Variants in MRPS6 observed in about 807,000 individuals in gnomAD.
MRPS6 encodes the protein mitochondrial ribosomal protein S6.
Under a neutral mutation model 13.1 loss-of-function variants are expected in MRPS6, and 6 were observed. The ratio of observed to expected loss-of-function variants is 0.46; its 90% confidence interval spans 0.25 to 0.91. MRPS6 has a LOEUF of 0.91. Among genes scored for constraint, MRPS6 ranks in the 40% least tolerant of loss-of-function variants. The pLI is 0.18. For synonymous variants in MRPS6, 61 were observed against 56.5 expected, an observed-to-expected ratio of 1.08 and a Z score of -0.36; for missense variants, 164 against 155.6, an observed-to-expected ratio of 1.05 and a Z score of -0.29.
intron 1 of MRPS6, among the ~76,000 whole-genome samples, chr21:34,087,776 A>G (rs550436041): frequency 2.0e-5 from 3 of 152,244 alleles, no homozygotes; most frequent in Admixed American, 6.5e-5. Context: ...GGGCAGAAGC[A>G]TGGAGACAAG....
At chr21:34,101,823 G>A (rs1204691620) in intron 1 of MRPS6, 1 of 998,544 alleles carries the variant, frequency 1.0e-6, no homozygotes. Context: ...ACTTTGTGTT[G>A]GCTAATAATA....
chr21:34,118,560 T>TC lies in MRPS6; in HGVS notation c.46-6781_46-6780insC, dbSNP rs745615449. ...CTCCACATTTCTTTCTTTCTTTCTT[T>TC]TTTTTTTTTTTTTTGAGACAGAGTC... On this transcript the variant is annotated intron_variant, in intron 1 of 2. Transcript: ENST00000399312. 3.0e-4 allele frequency among the ~76,000 whole-genome samples: 43 copies of TC among 145,492 alleles called. 1 individual carries two copies. Among genetic ancestry groups the TC allele is most frequent in the African/African-American group, 5.6e-4 (22 of 39,256 alleles).
intron 1 of MRPS6, chr21:34,099,891 C>A: frequency 2.8e-6 from 1 of 358,666 alleles, no homozygotes; most frequent in Non-Finnish European, 4.1e-6. Flanking sequence ...AGATAATGTG[C>A]TCGAGTAAGT....
At chr21:34,142,273 A>G in intron 2 of MRPS6, 135 bp from the exon 3 acceptor site, 6 of 858,960 alleles carry the variant, frequency 7.0e-6, no homozygotes, top group South Asian at 3.8e-5. Context: ...TATTTTGACA[A>G]GGTTATGTGT....
intron 1 of MRPS6, among the ~76,000 whole-genome samples, chr21:34,087,638 A>G (rs1978463525): frequency 6.6e-6 from 1 of 152,256 alleles, no homozygotes; most frequent in Admixed American, 6.5e-5. Context: ...GAGAGGAGAC[A>G]GGTCTTGTGG....
intron 1 of MRPS6, among the ~76,000 whole-genome samples, chr21:34,109,353 G>A (rs1245331710): frequency 6.6e-6 from 1 of 152,124 alleles, no homozygotes; most frequent in Admixed American, 6.5e-5. Context: ...CTGTTTGTTG[G>A]GTTAAGTCCT....
chr21:34,101,355 T>G (rs1979229114), intron 1 of MRPS6: 1 of 1,000,214 alleles, frequency 1.0e-6, no homozygotes. Context: ...TTAAGCATTA[T>G]AAAGTACGAA....
intron 2 of MRPS6, among the ~76,000 whole-genome samples, chr21:34,140,101 C>A (rs1980857187): frequency 6.6e-6 from 1 of 151,994 alleles, no homozygotes; most frequent in African/African-American, 2.4e-5. Context: ...CATTGATGTT[C>A]TCTGTTTTTC....
chr21:34,081,810 A>G lies in MRPS6; in HGVS notation c.45+8065A>G, dbSNP rs1989464852. On this transcript the variant is annotated intron_variant, in intron 1 of 2. Coordinates refer to ENST00000399312, the MANE Select transcript of MRPS6 (RefSeq NM_032476.4). ...CATTGCCTAGTTTTTCATTATTCCC[A>G]GTTTATTAATGAAGAAACTCTAAAA... is the stretch of plus-strand genomic sequence containing the variant. Among the ~76,000 whole-genome samples the G allele has an allele frequency of 2.6e-5, 4 of 152,148 alleles. No homozygotes were observed. In the South Asian group the frequency reaches 8.3e-4, roughly 32 times the overall value.
intron 1 of MRPS6, among the ~76,000 whole-genome samples, chr21:34,079,502 C>A (rs1473759187): frequency 6.6e-6 from 1 of 151,368 alleles, no homozygotes; most frequent in African/African-American, 2.4e-5. Flanking sequence ...GTGGCACGAT[C>A]TCGGCTCACT....
intron 1 of MRPS6, chr21:34,103,633 C>T (rs573488621): frequency 2.0e-6 from 2 of 1,000,072 alleles, no homozygotes; most frequent in African/African-American, 1.7e-5. Context: ...TAATAGTATT[C>T]TCTGTATCCC....
chr21:34,111,259 C>T (rs1331072835), intron 1 of MRPS6, among the ~76,000 whole-genome samples: 1 of 152,168 alleles, frequency 6.6e-6, no homozygotes. Flanking sequence ...TAATGAGAAT[C>T]ACTTGGAATT....
intron 1 of MRPS6, 191 bp from the exon 2 acceptor site, chr21:34,125,150 T>C (rs1980255443): frequency 2.3e-6 from 2 of 867,634 alleles, no homozygotes; most frequent in South Asian, 2.1e-5. Context: ...CTGTGAGCTA[T>C]CTCATATCCT....
intron 1 of MRPS6, among the ~76,000 whole-genome samples, chr21:34,089,514 T>A (rs1004423751): frequency 6.6e-6 from 1 of 152,110 alleles, no homozygotes; most frequent in African/African-American, 2.4e-5. Context: ...GCCAAACTTA[T>A]TGGTAGAATC....
chr21:34,103,319 A>T, intron 1 of MRPS6: 3 of 992,188 alleles, frequency 3.0e-6, no homozygotes. Context: ...AGGAAGTAAA[A>T]AAAAAAAAAA....
chr21:34,125,300 A>G (rs929358869), intron 1 of MRPS6, 41 bp from the exon 2 acceptor site: 1 of 1,603,262 alleles, frequency 6.2e-7, no homozygotes, highest in African/African-American at 1.4e-5. Flanking sequence ...ATTAATTCTG[A>G]TGCTTTTTTT....
At chr21:34,137,111 C>A (rs940192837) in intron 2 of MRPS6, among the ~76,000 whole-genome samples, 1 of 152,128 alleles carries the variant, frequency 6.6e-6, no homozygotes, top group Admixed American at 6.5e-5. Context: ...GGTGTTAGTC[C>A]TTCAACTTAC....
At chr21:34,135,547 A>G in intron 2 of MRPS6, 3 of 492,290 alleles carry the variant, frequency 6.1e-6, no homozygotes, top group South Asian at 1.5e-5. Context: ...AGCAATGGTC[A>G]TGATCTCCCG....
At chr21:34,141,725 C>G (rs997401071) in intron 2 of MRPS6, among the ~76,000 whole-genome samples, 7 of 152,168 alleles carry the variant, frequency 4.6e-5, no homozygotes, top group Non-Finnish European at 1.0e-4. Flanking sequence ...TAGGGATGGG[C>G]TCTTTCCTTG....
Sources: gnomAD v4.1 joint callset for allele counts (sites outside exome capture counted in the v4.1 genomes callset) on GRCh38, gnomAD v4.1.1 for gene constraint, MANE v1.5 for transcripts, NCBI Gene and HGNC (gene_info 2026-07-23, HGNC 2026-07-21) for gene names.